The following CELF5 variants were observed in gnomAD, a reference collection of about 807,000 sequenced individuals.
CELF5 encodes the protein CUGBP Elav-like family member 5.
CELF5 carries 6 observed loss-of-function variants against 54.9 expected under a neutral mutation model. The observed-to-expected ratio is 0.11, with a 90% CI of 0.06 to 0.22. The LOEUF (loss-of-function observed/expected upper bound fraction) is 0.22. CELF5 is among the 10% of genes least tolerant of loss of function. The pLI is 1.00. For synonymous variants in CELF5, 271 were observed against 290.9 expected (o/e 0.93, Z 0.70); for missense variants, 401 against 678.6 (o/e 0.59, Z 4.54).
At chr19:3,294,098 G>A (rs563810592) in intron 12 of CELF5, 1 of 152,276 alleles carries the variant, frequency 6.6e-6, no homozygotes, top group African/African-American at 2.4e-5. Flanking sequence ...ATGGAAAAGT[G>A]GGATTCGTGC....
chr19:3,266,179 G>A (rs982242391), intron 2 of CELF5, among the ~76,000 whole-genome samples: 4 of 152,230 alleles, frequency 2.6e-5, no homozygotes, highest in African/African-American at 9.6e-5. Context: ...GGGACGTTTC[G>A]GGTCATTGGG....
chr19:3,254,147 A>C (rs996041367), intron 2 of CELF5, among the ~76,000 whole-genome samples: 1 of 152,080 alleles, frequency 6.6e-6, no homozygotes, highest in African/African-American at 2.4e-5. Flanking sequence ...GTCCACTTTG[A>C]GATGAAGAGA....
At chr19:3,234,772 T>A (rs1273521870) in intron 1 of CELF5, among the ~76,000 whole-genome samples, 1 of 152,110 alleles carries the variant, frequency 6.6e-6, no homozygotes, top group Non-Finnish European at 1.5e-5. Context: ...TGGCTCTGCC[T>A]TCAAAACCTC....
chr19:3,240,479 C>T (rs914370009), intron 1 of CELF5, among the ~76,000 whole-genome samples: 4 of 151,846 alleles, frequency 2.6e-5, no homozygotes, highest in Admixed American at 6.6e-5. Flanking sequence ...AAGCATGAAC[C>T]ACCACACCCA....
At chr19:3,256,534 T>TTA (rs2079728748) in intron 2 of CELF5, among the ~76,000 whole-genome samples, 1 of 144,468 alleles carries the variant, frequency 6.9e-6, no homozygotes, top group Non-Finnish European at 1.5e-5. Context: ...GGAGGTTTCA[T>TTA]TTATTATTAT....
intron 2 of CELF5, among the ~76,000 whole-genome samples, chr19:3,257,672 C>T (rs2079748510): frequency 1.3e-5 from 2 of 151,616 alleles, no homozygotes; most frequent in South Asian, 2.1e-4. Context: ...GACGGGGTTT[C>T]CCCATGTTGG....
At position 3,228,671 on chromosome 19, in the gene CELF5, C is replaced by G. The variant is rs1917073078; in HGVS notation, c.259+3673C>G. 1.3e-5 allele frequency among the ~76,000 whole-genome samples: 2 copies of G among 150,622 alleles called. No homozygotes were observed. The highest frequency in any genetic ancestry group is 2.0e-4 in the East Asian group (1 of 5,082). On this transcript the variant is annotated intron_variant, in intron 1 of 12. Coordinates refer to ENST00000292672, the MANE Select transcript of CELF5 (RefSeq NM_021938.4). The surrounding 1 kb of genome is among the most constrained non-coding windows in gnomAD (Gnocchi z 6.0). ...GGGCCCGCGGTTTCCATGGGAGCAC[C>G]AGCTGCCGGCTCGACTCGGGAGGGG...
At chr19:3,239,705 A>C (rs1191462980) in intron 1 of CELF5, among the ~76,000 whole-genome samples, 2 of 140,356 alleles carry the variant, frequency 1.4e-5, no homozygotes, top group Non-Finnish European at 1.5e-5. Flanking sequence ...CTCGTCCCCC[A>C]CCAAAGCCCT....
At chr19:3,235,085 G>T (rs549499654) in intron 1 of CELF5, among the ~76,000 whole-genome samples, 1 of 151,964 alleles carries the variant, frequency 6.6e-6, no homozygotes. Context: ...CGCTCCCTCT[G>T]TTCCAGCCAC....
At chr19:3,227,065 G>T (rs1289093004) in intron 1 of CELF5, among the ~76,000 whole-genome samples, 4 of 152,106 alleles carry the variant, frequency 2.6e-5, no homozygotes, top group Admixed American at 6.5e-5. Flanking sequence ...GGGGTCCCAG[G>T]TCCGTCTGTG....
At position 3,233,517 on chromosome 19, in the gene CELF5, G is replaced by A. The variant is rs139778136; in HGVS notation, c.259+8519G>A. On this transcript the variant is annotated intron_variant, in intron 1 of 12. Transcript: ENST00000292672. ...AGAGATGGCCTTTCTAGGAGGTGAC[G>A]TTTGAGACGAGACCTGAATGACAGA... is the stretch of plus-strand genomic sequence containing the variant. Among the ~76,000 whole-genome samples, 808 of 152,272 alleles carry A rather than the reference G, an allele frequency of 5.3e-3. 4 individuals are homozygous for A. Among genetic ancestry groups the A allele is most frequent in the Middle Eastern group, 0.027 (8 of 294 alleles).
At chr19:3,285,553 A>G in intron 9 of CELF5, among the ~76,000 whole-genome samples, 1 of 76,332 alleles carries the variant, frequency 1.3e-5, no homozygotes, top group Non-Finnish European at 2.5e-5. Context: ...CTCCACTGTG[A>G]CCCCACCCCT....
chr19:3,236,989 A>AC (rs1491304963), intron 1 of CELF5, among the ~76,000 whole-genome samples: 3 of 81,232 alleles, frequency 3.7e-5, no homozygotes, highest in East Asian at 2.1e-3. Flanking sequence ...ACTCCATCTC[A>AC]AAAAAAAAAA....
At chr19:3,257,441 GGTTT>G (rs1423914243) in intron 2 of CELF5, among the ~76,000 whole-genome samples, 2 of 152,146 alleles carry the variant, frequency 1.3e-5, no homozygotes, top group East Asian at 1.9e-4. Context: ...GGAACGATCT[GGTTT>G]GTTTGTTTCC....
chr19:3,293,146 T>C (rs1218739683), intron 11 of CELF5, among the ~76,000 whole-genome samples, 173 bp from the exon 12 acceptor site: 2 of 151,898 alleles, frequency 1.3e-5, no homozygotes, highest in Non-Finnish European at 2.9e-5. Flanking sequence ...TCCAGAGGTG[T>C]CAGAACAAAG....
chr19:3,286,274 C>T, intron 10 of CELF5: 2 of 462,868 alleles, frequency 4.3e-6, no homozygotes, highest in Middle Eastern at 5.6e-4. Context: ...TTCCTACCAG[C>T]CCTCTCCAGA....
Position 3,282,060 on chromosome 19 carries a change from C to G in CELF5, c.751-66C>G. ...CCTCACTAGTAACTGGGGTACCAAG[C>G]CTCCCCTCATAAGCCATGATCTCAG... On this transcript the variant is annotated intron_variant, in intron 6 of 12. Transcript: ENST00000292672. This position sits in a 1 kb window ranked among gnomAD's most constrained non-coding sequence, Gnocchi z 5.2. The G allele has an allele frequency of 1.3e-6, 2 of 1,575,828 alleles. No individual in the cohort carries two copies. The highest frequency in any genetic ancestry group is 1.7e-6 in the Non-Finnish European group (2 of 1,148,582).
chr19:3,239,182 C>G (rs2079456714), intron 1 of CELF5, among the ~76,000 whole-genome samples: 1 of 152,088 alleles, frequency 6.6e-6, no homozygotes. Context: ...TTGCTGCAGC[C>G]TCGACCTCCC....
At chr19:3,287,937 G>A (rs1235141251) in intron 10 of CELF5, among the ~76,000 whole-genome samples, 1 of 152,158 alleles carries the variant, frequency 6.6e-6, no homozygotes, top group Non-Finnish European at 1.5e-5. Context: ...ACGTGGAAAC[G>A]GCATCGAAAG....
Sources: allele counts gnomAD v4.1 joint callset (sites outside exome capture counted in the v4.1 genomes callset), GRCh38; gene constraint gnomAD v4.1.1; non-coding constraint Gnocchi (gnomAD v3.1); transcripts MANE v1.5; gene names NCBI Gene and HGNC (gene_info 2026-07-23, HGNC 2026-07-21).